Variants in TRIM37 observed in about 807,000 individuals in gnomAD.
TRIM37 encodes tripartite motif containing 37.
In TRIM37, 80 loss-of-function variants were observed where a neutral mutation model predicts 129.8. That is an observed-to-expected ratio of 0.62 (90% CI 0.51 to 0.74). TRIM37 has a LOEUF of 0.74. Among genes scored for constraint, TRIM37 ranks in the 30% least tolerant of loss-of-function variants. TRIM37 has a pLI of 0.00. For missense variants in TRIM37, 1,054 were observed against 1,176.5 expected (o/e 0.90, Z 1.52); for synonymous variants, 389 against 387.1 (o/e 1.00, Z -0.06).
chr17:59,074,661 G>T (rs527513266), intron 8 of TRIM37, among the ~76,000 whole-genome samples: 1 of 152,296 alleles, frequency 6.6e-6, no homozygotes, highest in African/African-American at 2.4e-5. Context: ...GGAAACATGA[G>T]ATTCAATACA....
At chr17:59,039,616 A>G (rs1394756633) in intron 17 of TRIM37, among the ~76,000 whole-genome samples, 5 of 151,220 alleles carry the variant, frequency 3.3e-5, no homozygotes, top group African/African-American at 1.2e-4. Flanking sequence ...ACGTGCTGGG[A>G]TTACAGGTGT....
At chr17:59,012,251 C>G (rs1443084713) in intron 22 of TRIM37, 77 bp downstream of exon 22, 14 of 949,108 alleles carry the variant, frequency 1.5e-5, no homozygotes, top group Non-Finnish European at 2.2e-5. Flanking sequence ...ACCACCACCA[C>G]CACCACCCAC....
At chr17:58,976,564 C>T in the TRIM37 span, among the ~76,000 whole-genome samples, 5 of 152,138 alleles carry the variant, frequency 3.3e-5, no homozygotes, top group Admixed American at 3.3e-4. Context: ...CCCATGAGCC[C>T]TTCAGATTTA....
At chr17:59,052,661 AAGAG>A (rs143718778) in intron 13 of TRIM37, among the ~76,000 whole-genome samples, 2,828 of 152,200 alleles carry the variant, frequency 0.019, 92 homozygotes, top group African/African-American at 0.065. Context: ...GTATTAAAAA[AAGAG>A]AGAGATTGGC....
At chr17:59,040,356 G>A (rs116320920) in intron 17 of TRIM37, among the ~76,000 whole-genome samples, 1,549 of 152,194 alleles carry the variant, frequency 0.01, 28 homozygotes, top group African/African-American at 0.035. Flanking sequence ...AAAGGAGTGG[G>A]AGTACCAAAT....
At chr17:59,042,063 T>C (rs1304248110) in intron 16 of TRIM37, among the ~76,000 whole-genome samples, 165 bp from the exon 17 acceptor site, 1 of 152,186 alleles carries the variant, frequency 6.6e-6, no homozygotes, top group African/African-American at 2.4e-5. Context: ...GTAGCGTTAA[T>C]GTTATTGTTT....
chr17:58,969,801 C>A, the TRIM37 span: 2 of 1,384,572 alleles, frequency 1.4e-6, no homozygotes, highest in Non-Finnish European at 2.0e-6. Context: ...GGTTAAAGGG[C>A]TATTTAGATT....
At chr17:59,064,148 C>T in intron 10 of TRIM37, 1 of 520,048 alleles carries the variant, frequency 1.9e-6, no homozygotes, top group East Asian at 3.3e-5. Context: ...GAAAAGGTTC[C>T]TTTTCCCAGA....
At chr17:59,048,664 T>C (rs939329744) in intron 15 of TRIM37, among the ~76,000 whole-genome samples, 3 of 152,154 alleles carry the variant, frequency 2.0e-5, no homozygotes, top group Non-Finnish European at 2.9e-5. Flanking sequence ...TGGCACAATC[T>C]TGGCTCACTG....
chr17:59,013,795 T>C (rs141135360), intron 21 of TRIM37, among the ~76,000 whole-genome samples: 10 of 152,262 alleles, frequency 6.6e-5, no homozygotes, highest in Admixed American at 2.0e-4. Context: ...CCAAAAGTGC[T>C]GGGATTACAG....
At chr17:59,005,307 G>A (rs771439057) in intron 22 of TRIM37, among the ~76,000 whole-genome samples, 2 of 149,542 alleles carry the variant, frequency 1.3e-5, no homozygotes, top group Admixed American at 1.3e-4. Flanking sequence ...TTTTTGAGAC[G>A]GCGTCTCACT....
chr17:59,089,900 G>A (rs983389003), intron 3 of TRIM37: 5 of 152,092 alleles, frequency 3.3e-5, no homozygotes, highest in Admixed American at 3.3e-4. Context: ...AGGAAGTCGA[G>A]ACCAGTTTGG....
chr17:58,977,475 A>G, the TRIM37 span, among the ~76,000 whole-genome samples: 4 of 151,974 alleles, frequency 2.6e-5, no homozygotes, highest in Non-Finnish European at 5.9e-5. Flanking sequence ...GAATGAATGA[A>G]TGGAGAAGAG....
At position 59,081,905 on chromosome 17, in the gene TRIM37, C is replaced by G. The variant is rs553239603; in HGVS notation, c.370-686G>C. ...CTGGGTGACAGAGACTCTGTCCCCC[C>G]CAAAAAATAATAATTTTTTAATAAT... is the stretch of plus-strand genomic sequence containing the variant. On this transcript the variant is annotated intron_variant, in intron 5 of 23. Transcript: ENST00000262294. Among the ~76,000 whole-genome samples, 6 of 125,812 alleles carry G rather than the reference C, an allele frequency of 4.8e-5. No individual in the cohort carries two copies. The East Asian group carries it at 9.2e-4, about 19-fold the overall frequency. The allele number at this position is 125,812 out of a possible 152,430, so 82.5% of individuals were successfully genotyped here. A position where few individuals can be genotyped will look rare whatever the true frequency, so the allele number is the denominator to read the frequency against.
rs200784219 is a variant in TRIM37, at chr17:59,051,341, G to T, written c.1200-13C>A. On this transcript the variant is annotated splice_polypyrimidine_tract_variant and intron_variant, in intron 13 of 23. Transcript: ENST00000262294. ...ACGTACCTGAAACCTTAAAAGAATT[G>T]TGCCACATTAAAAAAAAAATTCAAA... is the stretch of plus-strand genomic sequence containing the variant. 5 of 1,563,520 alleles carry T rather than the reference G, an allele frequency of 3.2e-6. No individual in the cohort carries two copies. In the African/African-American group the frequency reaches 4.1e-5, roughly 13 times the overall value.
intron 7 of TRIM37, among the ~76,000 whole-genome samples, 178 bp downstream of exon 7, chr17:59,079,576 T>G (rs926366538): frequency 1.3e-5 from 2 of 152,058 alleles, no homozygotes; most frequent in Non-Finnish European, 2.9e-5. Flanking sequence ...CTATGAAAAT[T>G]TTTCTCTCCT....
chr17:59,025,969 C>T (rs964837824), intron 19 of TRIM37, among the ~76,000 whole-genome samples: 17 of 152,118 alleles, frequency 1.1e-4, no homozygotes, highest in African/African-American at 3.9e-4. Context: ...ACTAAATTGT[C>T]TTCCTTATAT....
chr17:59,079,509 T>C (rs1217419857), intron 7 of TRIM37, among the ~76,000 whole-genome samples: 3 of 152,340 alleles, frequency 2.0e-5, no homozygotes, highest in Admixed American at 2.0e-4. Context: ...TGATGCCCAC[T>C]GGCCATTAGG....
chr17:58,972,761 G>A, the TRIM37 span: 1 of 1,337,204 alleles, frequency 7.5e-7, no homozygotes, highest in South Asian at 1.2e-5. Context: ...TATATCTGTT[G>A]TTTACTGTTA....
Sources: gnomAD v4.1 joint callset for allele counts (sites outside exome capture counted in the v4.1 genomes callset) on GRCh38, gnomAD v4.1.1 for gene constraint, MANE v1.5 for transcripts, NCBI Gene and HGNC (gene_info 2026-07-23, HGNC 2026-07-21) for gene names.